Variants in FSTL5 observed in about 807,000 individuals in gnomAD.
FSTL5 encodes the protein follistatin-related protein 5.
Under a neutral mutation model 89.1 loss-of-function variants are expected in FSTL5, and 62 were observed. The observed-to-expected ratio is 0.70, with a 90% confidence interval of 0.57 to 0.86. The LOEUF is 0.86. FSTL5 is among the 40% of genes least tolerant of loss of function. The probability of loss-of-function intolerance (pLI) is 0.00; values close to 1 mark genes in which losing one functional copy is unlikely to be tolerated. For missense variants in FSTL5, 1,057 were observed against 1,001.6 expected, an observed-to-expected ratio of 1.06 and a Z score of -0.75; for synonymous variants, 383 against 346.2, an observed-to-expected ratio of 1.11 and a Z score of -1.18.
Position 161,548,276 on chromosome 4 carries a change from G to C in FSTL5, c.1016-5583C>G, listed in dbSNP as rs149779693. Among the ~76,000 whole-genome samples the C allele has an allele frequency of 2.9e-3, 441 of 151,920 alleles. 1 individual carries two copies. The highest frequency in any genetic ancestry group is 0.01 in the African/African-American group (430 of 41,502). On this transcript the variant is annotated intron_variant, in intron 8 of 15. Coordinates refer to ENST00000306100, the MANE Select transcript of FSTL5 (RefSeq NM_020116.5). Reference sequence around the variant, plus strand: ...TAGTATCTGCGATAAACTGTAAACTGTTAGGTTGACACAGATGGACAACAT... The same window carrying C: ...TAGTATCTGCGATAAACTGTAAACTCTTAGGTTGACACAGATGGACAACAT...
chr4:161,833,691 C>A (rs1458836487), intron 4 of FSTL5, among the ~76,000 whole-genome samples: 1 of 151,958 alleles, frequency 6.6e-6, no homozygotes, highest in Admixed American at 6.6e-5. Flanking sequence ...TTATCAGAGA[C>A]TAGGATTGCA....
intron 15 of FSTL5, among the ~76,000 whole-genome samples, chr4:161,421,817 C>T (rs746479137): frequency 1.3e-5 from 2 of 152,066 alleles, no homozygotes; most frequent in African/African-American, 2.4e-5. Context: ...TTTCTACTGC[C>T]GTAAATGCTC....
chr4:162,045,408 T>C (rs1174568830), intron 2 of FSTL5, among the ~76,000 whole-genome samples: 2 of 152,094 alleles, frequency 1.3e-5, no homozygotes, highest in African/African-American at 4.8e-5. Context: ...ACAGTAATAA[T>C]TGTAACATCA....
chr4:161,668,094 G>A (rs1194050277), intron 6 of FSTL5, among the ~76,000 whole-genome samples: 2 of 151,928 alleles, frequency 1.3e-5, no homozygotes, highest in Non-Finnish European at 2.9e-5. Context: ...AACAAAAGTT[G>A]GTTATCTGAA....
chr4:161,544,418 G>A (rs1022171755), intron 8 of FSTL5, among the ~76,000 whole-genome samples: 1 of 151,906 alleles, frequency 6.6e-6, no homozygotes, highest in African/African-American at 2.4e-5. Context: ...TTTATAAAAC[G>A]TTCACAATGG....
At chr4:161,753,902 C>T (rs143576954) in intron 6 of FSTL5, among the ~76,000 whole-genome samples, 12,117 of 151,648 alleles carry the variant, frequency 0.08, 908 homozygotes, top group African/African-American at 0.2. Flanking sequence ...ATTAGCCGGG[C>T]GTGGTGGCTG....
intron 1 of FSTL5, among the ~76,000 whole-genome samples, chr4:162,126,190 G>A (rs575233723): frequency 3.4e-4 from 52 of 151,866 alleles, no homozygotes; most frequent in Admixed American, 9.2e-4. Context: ...ATTTCTAAGA[G>A]GTTACTTTTA....
chr4:162,050,826 T>A (rs1738354595), intron 2 of FSTL5, among the ~76,000 whole-genome samples: 1 of 151,156 alleles, frequency 6.6e-6, no homozygotes, highest in Non-Finnish European at 1.5e-5. Context: ...GTTAATGAAG[T>A]TAATAAATTA....
chr4:161,605,472 A>G (rs1734406759), intron 7 of FSTL5, among the ~76,000 whole-genome samples: 1 of 152,216 alleles, frequency 6.6e-6, no homozygotes, highest in African/African-American at 2.4e-5. Context: ...AACACTCGCA[A>G]GCTTTCAAAA....
intron 6 of FSTL5, among the ~76,000 whole-genome samples, chr4:161,662,971 AAAAT>A (rs1285004949): frequency 1.6e-4 from 25 of 152,142 alleles, no homozygotes; most frequent in Admixed American, 1.3e-3. Flanking sequence ...CAGAAGGAGA[AAAAT>A]AAGGAAGAAG....
At chr4:162,087,468 C>G (rs1730365800) in intron 2 of FSTL5, among the ~76,000 whole-genome samples, 1 of 152,110 alleles carries the variant, frequency 6.6e-6, no homozygotes, top group African/African-American at 2.4e-5. Flanking sequence ...ATATCTCATA[C>G]TTAAAAATGA....
At chr4:161,847,184 C>G (rs1276116580) in intron 4 of FSTL5, among the ~76,000 whole-genome samples, 3 of 152,094 alleles carry the variant, frequency 2.0e-5, no homozygotes, top group Non-Finnish European at 2.9e-5. Flanking sequence ...ACATCAATAT[C>G]AGGGTAAAAT....
chr4:162,094,354 T>G (rs1289927101), intron 2 of FSTL5, among the ~76,000 whole-genome samples: 2 of 152,286 alleles, frequency 1.3e-5, no homozygotes, highest in Non-Finnish European at 2.9e-5. Context: ...ACATGTCAGC[T>G]TTGACCTAAA....
At chr4:161,680,032 T>A (rs2126707520) in intron 6 of FSTL5, among the ~76,000 whole-genome samples, 1 of 152,030 alleles carries the variant, frequency 6.6e-6, no homozygotes, top group Middle Eastern at 3.4e-3. Context: ...CTTCCAGTTA[T>A]TTTTAAATCA....
chr4:161,666,850 T>C (rs903073538), intron 6 of FSTL5, among the ~76,000 whole-genome samples: 3 of 152,028 alleles, frequency 2.0e-5, no homozygotes, highest in Non-Finnish European at 4.4e-5. Flanking sequence ...AATAAAAGCA[T>C]TTAGCTACTA....
chr4:161,892,908 T>A (rs1464803608), intron 4 of FSTL5, among the ~76,000 whole-genome samples: 1 of 152,138 alleles, frequency 6.6e-6, no homozygotes, highest in East Asian at 1.9e-4. Flanking sequence ...ATTTCAAAAA[T>A]ATTTGCCATA....
At chr4:161,560,798 C>A (rs1356040575) in intron 8 of FSTL5, among the ~76,000 whole-genome samples, 1 of 151,864 alleles carries the variant, frequency 6.6e-6, no homozygotes, top group Non-Finnish European at 1.5e-5. Flanking sequence ...ACAACAATGC[C>A]TTCTTCTAGA....
intron 4 of FSTL5, among the ~76,000 whole-genome samples, chr4:161,828,834 T>G (rs1215660958): frequency 6.6e-6 from 1 of 152,082 alleles, no homozygotes; most frequent in Non-Finnish European, 1.5e-5. Flanking sequence ...AGTTTTACAG[T>G]GCTTTATAAA....
At chr4:161,809,291 G>C (rs1730069726) in intron 4 of FSTL5, among the ~76,000 whole-genome samples, 1 of 152,100 alleles carries the variant, frequency 6.6e-6, no homozygotes, top group Non-Finnish European at 1.5e-5. Context: ...AATTCTATGA[G>C]GATGACCACT....
Sources: gnomAD v4.1 joint callset for allele counts (sites outside exome capture counted in the v4.1 genomes callset) on GRCh38, gnomAD v4.1.1 for gene constraint, MANE v1.5 for transcripts, NCBI Gene and HGNC (gene_info 2026-07-23, HGNC 2026-07-21) for gene names.